Variants in PPP1R13B observed in about 807,000 individuals in gnomAD.
PPP1R13B encodes protein phosphatase 1 regulatory subunit 13B, also known as apoptosis-stimulating of p53 protein 1.
In PPP1R13B, 44 loss-of-function variants were observed where a neutral mutation model predicts 119.8. The ratio of observed to expected loss-of-function variants is 0.37; its 90% CI spans 0.29 to 0.47. PPP1R13B has a LOEUF of 0.47. PPP1R13B is among the 20% of genes least tolerant of loss of function. PPP1R13B has a pLI of 0.99. For missense variants in PPP1R13B, 1,227 were observed against 1,413.5 expected, an observed-to-expected ratio of 0.87 and a Z score of 2.12; for synonymous variants, 542 against 561.5, an observed-to-expected ratio of 0.97 and a Z score of 0.49.
chr14:103,802,659 G>C (rs955778321), intron 1 of PPP1R13B, among the ~76,000 whole-genome samples: 1 of 152,054 alleles, frequency 6.6e-6, no homozygotes, highest in African/African-American at 2.4e-5. Context: ...TCTGAAACGC[G>C]GAATTCTTTA....
At position 103,737,767 on chromosome 14, in the gene PPP1R13B, G is replaced by A. The variant is rs759555834; in HGVS notation, c.2958C>T (p.Ser986=). The part of the protein sequence containing the change: ...SGAAIFASTI[S]DIETAADKCE... ...ACTTGTCTGCAGCAGTTTCAATGTC[G>A]CTTATGGTTGAGGCAAAAATGGCGG... is the stretch of plus-strand genomic sequence containing the variant. The change falls in exon 15 of 17, where the codon AGC becomes AGT. Residue 986 remains serine (S), a synonymous_variant. Coordinates refer to ENST00000202556, the MANE Select transcript of PPP1R13B (RefSeq NM_015316.3). 9 of 1,614,210 alleles carry A rather than the reference G, an allele frequency of 5.6e-6. No individual in the cohort carries two copies. The East Asian group carries it at 6.7e-5, about 12-fold the overall frequency.
chr14:103,768,445 C>T (rs368544323), intron 4 of PPP1R13B, among the ~76,000 whole-genome samples: 48 of 152,192 alleles, frequency 3.2e-4, no homozygotes, highest in African/African-American at 5.3e-4. Context: ...TACAGGCGTG[C>T]GCCACCACGC....
At chr14:103,795,669 A>G (rs1272662486) in intron 2 of PPP1R13B, among the ~76,000 whole-genome samples, 1 of 152,074 alleles carries the variant, frequency 6.6e-6, no homozygotes, top group East Asian at 1.9e-4. Flanking sequence ...GCTAGAGAAG[A>G]AAAAAAACAA....
chr14:103,752,356 T>C (rs1363568708), intron 7 of PPP1R13B, among the ~76,000 whole-genome samples: 2 of 152,080 alleles, frequency 1.3e-5, no homozygotes, highest in Non-Finnish European at 2.9e-5. Context: ...GCTGCCAGGC[T>C]CTGGAGGGTA....
At chr14:103,841,178 G>A (rs758623136) in intron 1 of PPP1R13B, among the ~76,000 whole-genome samples, 7 of 150,256 alleles carry the variant, frequency 4.7e-5, no homozygotes, top group African/African-American at 7.3e-5. Context: ...CCAGCTACTC[G>A]GGAGGCTGAG....
At chr14:103,821,855 C>A (rs907166808) in intron 1 of PPP1R13B, among the ~76,000 whole-genome samples, 1 of 152,060 alleles carries the variant, frequency 6.6e-6, no homozygotes, top group Non-Finnish European at 1.5e-5. Flanking sequence ...TAAATACCAA[C>A]AAGACCCTGG....
chr14:103,815,256 T>C (rs967563759), intron 1 of PPP1R13B, among the ~76,000 whole-genome samples: 1 of 152,148 alleles, frequency 6.6e-6, no homozygotes, highest in African/African-American at 2.4e-5. Context: ...TAAAGTAGAT[T>C]AGTCGTTGGT....
chr14:103,777,094 G>A (rs2085220420), intron 4 of PPP1R13B, among the ~76,000 whole-genome samples: 1 of 151,824 alleles, frequency 6.6e-6, no homozygotes, highest in South Asian at 2.1e-4. Context: ...CTGGGTTCAT[G>A]TGATTCTCCT....
chr14:103,742,833 AACACAGAACTT>A lies in PPP1R13B; in HGVS notation c.1151-21_1151-11del, dbSNP rs780347169. ...CAGTTTCCATCATTAGCTTGAAAAG[AACACAGAACTT>A]ACGTAAAACTTTTCTCAATGTAGTT... is the stretch of plus-strand genomic sequence containing the variant. On this transcript the variant is annotated splice_polypyrimidine_tract_variant and intron_variant, in intron 9 of 16. Transcript: ENST00000202556. The surrounding 1 kb of genome is among the most constrained non-coding windows in gnomAD (Gnocchi z 4.9). 2 of 1,613,740 alleles carry A rather than the reference AACACAGAACTT, an allele frequency of 1.2e-6. No homozygotes were observed. The highest frequency in any genetic ancestry group is 1.7e-6 in the Non-Finnish European group (2 of 1,179,894).
intron 1 of PPP1R13B, among the ~76,000 whole-genome samples, chr14:103,798,970 G>A (rs1173186383): frequency 6.6e-6 from 1 of 151,150 alleles, no homozygotes; most frequent in Non-Finnish European, 1.5e-5. Flanking sequence ...GATTACAAAT[G>A]TGAGCCACTA....
chr14:103,847,510 G>T lies in PPP1R13B; in HGVS notation c.-203C>A, dbSNP rs1276453038. ...CGCCGGCGCGCTGCGTCGCTGTCCC[G>T]GGCACCCGGCCGCCGCCGCCGCCGC... On this transcript the variant is annotated 5_prime_UTR_variant, in exon 1 of 17. Transcript: ENST00000202556. 8.1e-6 allele frequency: 8 copies of T among 984,384 alleles called. No homozygotes were observed. The highest frequency in any genetic ancestry group is 4.5e-5 in the South Asian group (1 of 22,082). 61.0% of individuals were successfully genotyped at this position (984,384 alleles called of 1,614,324 possible). A position where few individuals can be genotyped will look rare whatever the true frequency, so the allele number is the denominator to read the frequency against.
chr14:103,847,444 G>C lies in PPP1R13B; in HGVS notation c.-137C>G, dbSNP rs1351835812. 2 of 1,001,860 alleles carry C rather than the reference G, an allele frequency of 2.0e-6. No homozygotes were observed. Among genetic ancestry groups the C allele is most frequent in the Non-Finnish European group, 2.4e-6 (2 of 842,232 alleles). 62.1% of individuals were successfully genotyped at this position (1,001,860 alleles called of 1,614,324 possible). ...CCGGCCCGGCCGCGGCGAGGCGGCA[G>C]CTGCGGCGGGCTGCGGGGCTCTCGC... On this transcript the variant is annotated 5_prime_UTR_variant, in exon 1 of 17. Transcript: ENST00000202556.
chr14:103,754,018 C>T, intron 6 of PPP1R13B, 52 bp downstream of exon 6: 1 of 1,569,092 alleles, frequency 6.4e-7, no homozygotes. Flanking sequence ...CTATGTTTCA[C>T]TGGATCTGGG....
rs2084202208 is a variant in PPP1R13B, at chr14:103,739,683, C to T, written c.2592+141G>A. 1.4e-5 allele frequency: 14 copies of T among 1,035,926 alleles called. 1 individual carries two copies. Among genetic ancestry groups the T allele is most frequent in the East Asian group, 5.3e-5 (2 of 38,064 alleles). The allele number at this position is 1,035,926 out of a possible 1,614,324, so 64.2% of individuals were successfully genotyped here. A position where few individuals can be genotyped will look rare whatever the true frequency, so the allele number is the denominator to read the frequency against. ...TGCCCCATTTGTCTGTGTGACTGTC[C>T]GTCCTCCCTACAAGACGTAACTCAG... On this transcript the variant is annotated intron_variant, in intron 12 of 16. Transcript: ENST00000202556.
intron 1 of PPP1R13B, among the ~76,000 whole-genome samples, chr14:103,797,993 T>C (rs183686397): frequency 1.8e-3 from 271 of 152,120 alleles, no homozygotes; most frequent in South Asian, 1.7e-3. Flanking sequence ...AGATCAAATA[T>C]TTAGATACAA....
chr14:103,790,372 T>C (rs909548253), intron 2 of PPP1R13B, among the ~76,000 whole-genome samples: 2 of 152,164 alleles, frequency 1.3e-5, no homozygotes, highest in East Asian at 1.9e-4. Flanking sequence ...TGTGTTCCCC[T>C]AAAATTCATA....
chr14:103,831,913 G>C (rs917769802), intron 1 of PPP1R13B, among the ~76,000 whole-genome samples: 7 of 151,878 alleles, frequency 4.6e-5, no homozygotes, highest in African/African-American at 1.7e-4. Flanking sequence ...TCCAGCCTGG[G>C]TGACAGAGCA....
intron 1 of PPP1R13B, among the ~76,000 whole-genome samples, chr14:103,812,923 G>A (rs184153879): frequency 5.9e-5 from 9 of 152,344 alleles, no homozygotes; most frequent in Admixed American, 4.6e-4. Flanking sequence ...TAACACTGGT[G>A]AGGATGCGGA....
intron 1 of PPP1R13B, among the ~76,000 whole-genome samples, chr14:103,806,585 C>T (rs1444669006): frequency 6.6e-6 from 1 of 152,058 alleles, no homozygotes; most frequent in Non-Finnish European, 1.5e-5. Context: ...CCTTCTGGCC[C>T]TGATTGCAAC....
Sources: gnomAD v4.1 joint callset for allele counts (sites outside exome capture counted in the v4.1 genomes callset) on GRCh38, gnomAD v4.1.1 for gene constraint, Gnocchi (gnomAD v3.1) non-coding constraint, MANE v1.5 for transcripts, NCBI Gene and HGNC (gene_info 2026-07-23, HGNC 2026-07-21) for gene names.